The following PACRG variants were observed in gnomAD, a reference collection of about 807,000 sequenced individuals.
PACRG encodes parkin coregulated gene protein.
PACRG carries 29 observed loss-of-function variants against 29.7 expected under a neutral mutation model. That is an observed-to-expected ratio of 0.98 (90% CI 0.73 to 1.33). PACRG has a LOEUF of 1.33. Ranked by LOEUF, PACRG falls within the 40% of genes most tolerant of loss-of-function variation. The pLI, the probability that PACRG is intolerant of heterozygous loss-of-function variation, is 0.00. For missense variants in PACRG, 279 were observed against 316.2 expected, an observed-to-expected ratio of 0.88 and a Z score of 0.89; for synonymous variants, 116 against 118.7, an observed-to-expected ratio of 0.98 and a Z score of 0.15.
intron 2 of PACRG, among the ~76,000 whole-genome samples, chr6:162,900,196 G>A (rs1357788597): frequency 6.6e-6 from 1 of 152,066 alleles, no homozygotes; most frequent in African/African-American, 2.4e-5. Context: ...GAACCAACAC[G>A]CACATATGCA....
intron 4 of PACRG, among the ~76,000 whole-genome samples, chr6:163,296,802 C>T (rs1043711341): frequency 1.3e-5 from 2 of 152,118 alleles, no homozygotes; most frequent in African/African-American, 2.4e-5. Flanking sequence ...AGTAGCTTTT[C>T]GATATGAGAA....
intron 2 of PACRG, among the ~76,000 whole-genome samples, chr6:162,860,927 C>T (rs1007108597): frequency 2.6e-5 from 4 of 152,012 alleles, no homozygotes; most frequent in African/African-American, 9.7e-5. Flanking sequence ...TCCATTTTTT[C>T]CCTGATTAAA....
At chr6:163,030,625 G>A (rs1473757684) in intron 2 of PACRG, among the ~76,000 whole-genome samples, 1 of 152,196 alleles carries the variant, frequency 6.6e-6, no homozygotes, top group African/African-American at 2.4e-5. Context: ...AGAAAGTACA[G>A]GAATAAAAGA....
At chr6:163,130,688 C>G (rs1451320775) in intron 4 of PACRG, among the ~76,000 whole-genome samples, 1 of 152,184 alleles carries the variant, frequency 6.6e-6, no homozygotes, top group African/African-American at 2.4e-5. Context: ...GGCCTCTCCC[C>G]CATACCTAAT....
At chr6:163,111,741 T>G (rs1815724880) in intron 4 of PACRG, among the ~76,000 whole-genome samples, 1 of 152,230 alleles carries the variant, frequency 6.6e-6, no homozygotes, top group Non-Finnish European at 1.5e-5. Flanking sequence ...TCTGTGAGAT[T>G]TCATGCTAAG....
At chr6:163,080,284 C>A (rs1323703092) in intron 3 of PACRG, among the ~76,000 whole-genome samples, 4 of 152,080 alleles carry the variant, frequency 2.6e-5, no homozygotes, top group South Asian at 2.1e-4. Flanking sequence ...CCTTTGGTCA[C>A]CTTTTCAGTT....
intron 4 of PACRG, among the ~76,000 whole-genome samples, chr6:163,297,176 T>G (rs1784807901): frequency 6.6e-6 from 1 of 152,234 alleles, no homozygotes; most frequent in African/African-American, 2.4e-5. Flanking sequence ...ATGTAAAGAC[T>G]TTGTCTCCCT....
intron 2 of PACRG, among the ~76,000 whole-genome samples, chr6:162,985,587 C>T (rs1802819674): frequency 6.6e-6 from 1 of 152,050 alleles, no homozygotes; most frequent in Non-Finnish European, 1.5e-5. Context: ...ATGACAATCC[C>T]ACAGCCAACA....
chr6:163,263,850 G>A (rs12526405), intron 4 of PACRG, among the ~76,000 whole-genome samples: 34,933 of 152,142 alleles, frequency 0.23, 4,361 homozygotes, highest in Middle Eastern at 0.31. Flanking sequence ...TAAGAAGCCT[G>A]ACGTTACTTT....
At chr6:162,823,328 G>A (rs1787995872) in intron 2 of PACRG, among the ~76,000 whole-genome samples, 5 of 152,056 alleles carry the variant, frequency 3.3e-5, no homozygotes, top group Admixed American at 2.0e-4. Flanking sequence ...TTTCTCAACT[G>A]AGGAAAGTTT....
chr6:162,991,913 C>A (rs1803462534), intron 2 of PACRG, among the ~76,000 whole-genome samples: 1 of 119,792 alleles, frequency 8.3e-6, no homozygotes, highest in Non-Finnish European at 1.6e-5. Context: ...AAATATGTCC[C>A]ATCAATACCT....
chr6:163,171,769 C>T (rs1215045155), intron 4 of PACRG, among the ~76,000 whole-genome samples: 1 of 152,174 alleles, frequency 6.6e-6, no homozygotes, highest in African/African-American at 2.4e-5. Context: ...AAACAACTGT[C>T]TCCTCCCTGG....
At chr6:163,033,607 A>G (rs980793593) in intron 2 of PACRG, among the ~76,000 whole-genome samples, 1 of 152,212 alleles carries the variant, frequency 6.6e-6, no homozygotes, top group Non-Finnish European at 1.5e-5. Context: ...TTATTATTAA[A>G]CCAATTAATT....
intron 4 of PACRG, among the ~76,000 whole-genome samples, chr6:163,291,694 A>G (rs563505548): frequency 2.9e-4 from 44 of 152,368 alleles, no homozygotes; most frequent in African/African-American, 1.0e-3. Context: ...AAGCACCAAC[A>G]TTGCTAGCGC....
rs187860846 is a variant in PACRG at position 162,986,275 on chromosome 6, C to G, written c.292-75875C>G. ...CCAAAGCAGGACTAAGCAAAAAGAA[C>G]AAATCTGAAGGCCTCACATTACTTA... On this transcript the variant is annotated intron_variant, in intron 2 of 4. Transcript: ENST00000366888. Among the ~76,000 whole-genome samples, 301 of 152,186 alleles carry G rather than the reference C, an allele frequency of 2.0e-3. 1 individual carries two copies. The highest frequency in any genetic ancestry group is 7.0e-3 in the African/African-American group (290 of 41,538).
intron 1 of PACRG, among the ~76,000 whole-genome samples, chr6:162,753,375 T>G (rs1161038541): frequency 6.6e-6 from 1 of 152,186 alleles, no homozygotes; most frequent in Admixed American, 6.5e-5. Context: ...TATGCCCTGA[T>G]AATTTCATGT....
chr6:163,138,764 T>C (rs1345295546), intron 4 of PACRG, among the ~76,000 whole-genome samples: 1 of 152,212 alleles, frequency 6.6e-6, no homozygotes, highest in East Asian at 1.9e-4. Context: ...TGTTCTCCTT[T>C]ATCCCTACCT....
chr6:162,786,173 A>G (rs1468590589), intron 1 of PACRG, among the ~76,000 whole-genome samples: 1 of 152,194 alleles, frequency 6.6e-6, no homozygotes. Context: ...ACTAATGAAG[A>G]GGATTGATTA....
upstream of PACRG, chr6:162,727,331 C>CGGGGCGAAGGTGAGGGGCGGCGGG (rs1562531569): frequency 5.1e-6 from 2 of 388,420 alleles, no homozygotes; most frequent in South Asian, 3.9e-5. Context: ...GGGGCGGCGG[C>CGGGGCGAAGGTGAGGGGCGGCGGG]GGGGAGAAGG....
Sources: allele counts gnomAD v4.1 joint callset (sites outside exome capture counted in the v4.1 genomes callset), GRCh38; gene constraint gnomAD v4.1.1; transcripts MANE v1.5; gene names NCBI Gene and HGNC (gene_info 2026-07-23, HGNC 2026-07-21).